ADARB1: variants seen among roughly 807,000 people sequenced by gnomAD.
The protein encoded by ADARB1 is adenosine deaminase RNA specific B1, also known as double-stranded RNA-specific editase 1.
Under a neutral mutation model 52.4 loss-of-function variants are expected in ADARB1, and 10 were observed. That is an observed-to-expected ratio of 0.19 (90% CI 0.12 to 0.32). ADARB1 has a LOEUF of 0.32. Among genes scored for constraint, ADARB1 ranks in the 10% least tolerant of loss-of-function variants. The probability of loss-of-function intolerance (pLI) is 1.00; values close to 1 mark genes in which losing one functional copy is unlikely to be tolerated. For synonymous variants in ADARB1, 349 were observed against 371.1 expected (o/e 0.94, Z 0.68); for missense variants, 643 against 922.3 (o/e 0.70, Z 3.92).
chr21:45,138,724 C>T (rs934006401), intron 2 of ADARB1, among the ~76,000 whole-genome samples: 40 of 152,260 alleles, frequency 2.6e-4, no homozygotes, highest in Middle Eastern at 3.4e-3. Context: ...GGCTTCAGGA[C>T]GAGCACTGGA....
At chr21:45,127,996 G>A (rs1254364816) in intron 1 of ADARB1, among the ~76,000 whole-genome samples, 1 of 152,164 alleles carries the variant, frequency 6.6e-6, no homozygotes, top group African/African-American at 2.4e-5. Context: ...GCACGTGCAG[G>A]GATGGTGCGT....
chr21:45,170,774 A>G (rs997420541), intron 2 of ADARB1, among the ~76,000 whole-genome samples: 3 of 152,170 alleles, frequency 2.0e-5, no homozygotes, highest in Non-Finnish European at 4.4e-5. Context: ...ATTTGATGAT[A>G]TTATTTATTA....
intron 2 of ADARB1, chr21:45,133,460 C>G (rs1260845922): frequency 6.5e-6 from 1 of 154,566 alleles, no homozygotes; most frequent in African/African-American, 2.4e-5. Context: ...GAAAATCTCC[C>G]TTTTGATGAA....
chr21:45,224,041 G>A lies in ADARB1; in HGVS notation c.*1844G>A. On this transcript the variant is annotated 3_prime_UTR_variant, in exon 11 of 11. Transcript: ENST00000348831. ...ATCGCGCTGGGGTTCTGCACCTGCA[G>A]AAGGAGAGGGGTCTGTTGTCGCTGG... The A allele has an allele frequency of 1.0e-6, 1 of 985,498 alleles. No homozygotes were observed. The highest frequency in any genetic ancestry group is 1.2e-6 in the Non-Finnish European group (1 of 829,982). The allele number at this position is 985,498 out of a possible 1,614,324, so 61.0% of individuals were successfully genotyped here.
At chr21:45,180,573 T>A (rs1174546755) in intron 5 of ADARB1, 129 bp downstream of exon 5, 5 of 779,190 alleles carry the variant, frequency 6.4e-6, no homozygotes, top group African/African-American at 3.4e-5. Context: ...CTTCAAAATG[T>A]CTGCCATATG....
At chr21:45,095,481 G>A (rs1344710053) in intron 1 of ADARB1, among the ~76,000 whole-genome samples, 1 of 152,174 alleles carries the variant, frequency 6.6e-6, no homozygotes, top group African/African-American at 2.4e-5. Flanking sequence ...GTGGGGCTGG[G>A]ACAGGGGCCT....
intron 8 of ADARB1, among the ~76,000 whole-genome samples, chr21:45,186,191 T>C (rs929249789): frequency 6.6e-6 from 1 of 152,248 alleles, no homozygotes; most frequent in Admixed American, 6.5e-5. Flanking sequence ...AATGATACTA[T>C]GCTGTAAATC....
intron 2 of ADARB1, among the ~76,000 whole-genome samples, chr21:45,156,413 A>AC (rs2090637569): frequency 6.8e-6 from 1 of 146,574 alleles, no homozygotes; most frequent in Non-Finnish European, 1.5e-5. Flanking sequence ...CCACCCACCC[A>AC]TCATCACCCA....
intron 8 of ADARB1, among the ~76,000 whole-genome samples, chr21:45,186,798 T>C (rs59276413): frequency 0.15 from 22,989 of 151,284 alleles, 1,852 homozygotes; most frequent in East Asian, 0.3. Context: ...TTGCAAGTCC[T>C]TTCCCCTTTG....
At chr21:45,119,236 AC>A (rs1490526292) in intron 1 of ADARB1, among the ~76,000 whole-genome samples, 14 of 152,286 alleles carry the variant, frequency 9.2e-5, no homozygotes, top group African/African-American at 2.4e-4. Flanking sequence ...GACCACAGTC[AC>A]GTGCCACATT....
rs964439025 is a variant in ADARB1 at position 45,223,391 on chromosome 21, C to G, written c.*1194C>G. The G allele has an allele frequency of 3.0e-6, 3 of 985,630 alleles. No homozygotes were observed. Among genetic ancestry groups the G allele is most frequent in the Non-Finnish European group, 3.6e-6 (3 of 830,170 alleles). 61.1% of individuals were successfully genotyped at this position (985,630 alleles called of 1,614,324 possible). On this transcript the variant is annotated 3_prime_UTR_variant, in exon 11 of 11. Coordinates refer to ENST00000348831, the MANE Select transcript of ADARB1 (RefSeq NM_001112.4). Reference sequence around the variant, plus strand: ...GCCCAGCGTGCACGGGACGGCCCCACGACAGAGGGAGTCAGCCCGGGAGGT... The same window carrying G: ...GCCCAGCGTGCACGGGACGGCCCCAGGACAGAGGGAGTCAGCCCGGGAGGT...
Position 45,171,439 on chromosome 21 carries a change from A to C in ADARB1, c.-47-171A>C, listed in dbSNP as rs544366455. 9.8e-5 allele frequency among the ~76,000 whole-genome samples: 15 copies of C among 152,330 alleles called. No homozygotes were observed. In the East Asian group the frequency reaches 2.7e-3, roughly 27 times the overall value. ...GCTGGACTGGAATGTGCCAAGGAGG[A>C]GTATTTTGTACCAGATGGCAGATCT... On this transcript the variant is annotated intron_variant, in intron 2 of 10. Transcript: ENST00000348831.
intron 7 of ADARB1, 84 bp downstream of exon 7, chr21:45,183,594 C>CT (rs925248839): frequency 1.4e-6 from 2 of 1,449,268 alleles, no homozygotes; most frequent in Non-Finnish European, 1.9e-6. Flanking sequence ...ATCCCTTTTC[C>CT]TTTTTTTCTT....
At chr21:45,213,349 AT>A (rs886507715) in intron 9 of ADARB1, among the ~76,000 whole-genome samples, 3 of 151,930 alleles carry the variant, frequency 2.0e-5, no homozygotes, top group South Asian at 4.2e-4. Flanking sequence ...AATGAGAACA[AT>A]TTTTTTTATT....
chr21:45,179,067 T>G (rs1214512092), intron 4 of ADARB1, among the ~76,000 whole-genome samples: 1 of 152,244 alleles, frequency 6.6e-6, no homozygotes, highest in Non-Finnish European at 1.5e-5. Flanking sequence ...TAAACTCGAA[T>G]GAATCGCCCT....
At chr21:45,082,010 AAGAG>A (rs2086171353) in intron 1 of ADARB1, among the ~76,000 whole-genome samples, 1 of 152,160 alleles carries the variant, frequency 6.6e-6, no homozygotes, top group Non-Finnish European at 1.5e-5. Context: ...AACTGGAGAA[AAGAG>A]AGCAGGTGTG....
chr21:45,151,987 C>T (rs1247157723), intron 2 of ADARB1, among the ~76,000 whole-genome samples: 2 of 152,082 alleles, frequency 1.3e-5, no homozygotes, highest in African/African-American at 4.8e-5. Context: ...AGCATTGGTC[C>T]GAGACACGTG....
Position 45,224,362 on chromosome 21 carries a change from C to T in ADARB1, c.*2165C>T, listed in dbSNP as rs1457116552. 9.1e-6 allele frequency: 9 copies of T among 985,456 alleles called. No homozygotes were observed. The highest frequency in any genetic ancestry group is 3.5e-5 in the African/African-American group (2 of 57,244). 61.0% of individuals were successfully genotyped at this position (985,456 alleles called of 1,614,324 possible). ...TCACCTTGTGGGGCCTGAGCAGCTACCTTGAGACCATGTGAGGTGGCACCT... is the reference window on the plus strand; with the variant it reads ...TCACCTTGTGGGGCCTGAGCAGCTATCTTGAGACCATGTGAGGTGGCACCT... On this transcript the variant is annotated 3_prime_UTR_variant, in exon 11 of 11. Transcript: ENST00000348831.
At chr21:45,082,978 G>C (rs2086209974) in intron 1 of ADARB1, among the ~76,000 whole-genome samples, 1 of 152,166 alleles carries the variant, frequency 6.6e-6, no homozygotes, top group Non-Finnish European at 1.5e-5. Context: ...CTGTCTTGGG[G>C]CCTATAGCTA....
Sources: allele counts gnomAD v4.1 joint callset (sites outside exome capture counted in the v4.1 genomes callset), GRCh38; gene constraint gnomAD v4.1.1; transcripts MANE v1.5; gene names NCBI Gene and HGNC (gene_info 2026-07-23, HGNC 2026-07-21).